Variants in CELF2 observed in about 807,000 individuals in gnomAD.
The protein encoded by CELF2 is CUG triplet repeat RNA-binding protein 2.
Under a neutral mutation model 62.6 loss-of-function variants are expected in CELF2, and 8 were observed. That is an observed-to-expected ratio of 0.13 (90% confidence interval 0.07 to 0.23). The LOEUF is 0.23. Ranked by LOEUF, CELF2 falls within the 10% of genes least tolerant of loss-of-function variation. CELF2 has a pLI of 1.00. For missense variants in CELF2, 333 were observed against 671.0 expected (o/e 0.50, Z 5.56); for synonymous variants, 258 against 250.0 (o/e 1.03, Z -0.30).
the CELF2 span, among the ~76,000 whole-genome samples, chr10:10,689,618 A>G: frequency 6.6e-6 from 1 of 152,244 alleles, no homozygotes; most frequent in Non-Finnish European, 1.5e-5. Context: ...TGGATAGTTT[A>G]TGACAACGAA....
intron 1 of CELF2, among the ~76,000 whole-genome samples, chr10:10,877,915 A>T (rs578246899): frequency 6.6e-6 from 1 of 152,286 alleles, no homozygotes; most frequent in South Asian, 2.1e-4. Flanking sequence ...TCTTTTATTC[A>T]TTCATCCAGA....
chr10:10,913,885 A>AGGAAGGAAGGAAGGAAG (rs141260316), intron 1 of CELF2, among the ~76,000 whole-genome samples: 2 of 27,942 alleles, frequency 7.2e-5, no homozygotes, highest in Non-Finnish European at 2.2e-4. Flanking sequence ...GAAGGAAGGA[A>AGGAAGGAAGGAAGGAAG]GAAGGAAGGG....
Position 10,893,129 on chromosome 10 carries a change from G to A in CELF2, c.54-26835G>A, listed in dbSNP as rs144218738. Among the ~76,000 whole-genome samples the A allele has an allele frequency of 5.0e-3, 769 of 152,290 alleles. 3 individuals are homozygous for A. The highest frequency in any genetic ancestry group is 7.8e-3 in the Non-Finnish European group (532 of 68,030). On this transcript the variant is annotated intron_variant, in intron 1 of 13. Transcript: ENST00000636488. ...GGAATTAACTGCCCTTTAAAATACAGCAGCAAATTAATCCAGCCCAAATCC... is the reference window on the plus strand; with the variant it reads ...GGAATTAACTGCCCTTTAAAATACAACAGCAAATTAATCCAGCCCAAATCC...
intron 8 of CELF2, among the ~76,000 whole-genome samples, chr10:11,276,199 C>A (rs1421332500): frequency 6.6e-6 from 1 of 151,684 alleles, no homozygotes; most frequent in Non-Finnish European, 1.5e-5. Flanking sequence ...CAGGGGGCTT[C>A]TCCCTGGGTG....
rs950424649 is a variant in CELF2, at chr10:11,242,572, G to A, written c.355-6581G>A. On this transcript the variant is annotated intron_variant, in intron 3 of 12. Transcript: ENST00000633077. The surrounding 1 kb of genome is among the most constrained non-coding windows in gnomAD (Gnocchi z 4.8). ...CACCAGGTGGTGACAGCTGTTGGCA[G>A]AGCTGTGTGCAGCGCTCTGTGCATG... 2.6e-5 allele frequency among the ~76,000 whole-genome samples: 4 copies of A among 152,254 alleles called. No individual in the cohort carries two copies. Among genetic ancestry groups the A allele is most frequent in the African/African-American group, 9.6e-5 (4 of 41,468 alleles).
At chr10:11,002,253 C>T (rs550913307), upstream of CELF2, among the ~76,000 whole-genome samples, 281 of 152,256 alleles carry the variant, frequency 1.8e-3, 1 homozygote, top group Non-Finnish European at 3.6e-3. The surrounding 1 kb of genome is among the most constrained non-coding windows in gnomAD (Gnocchi z 4.4). Flanking sequence ...TTCACTACCA[C>T]GAGAACAGAA....
At chr10:10,927,840 C>T (rs1398267316) in intron 2 of CELF2, among the ~76,000 whole-genome samples, 1 of 152,112 alleles carries the variant, frequency 6.6e-6, no homozygotes, top group Non-Finnish European at 1.5e-5. Context: ...TCCTCTTTTG[C>T]AATTCATTCT....
chr10:10,715,219 T>C, the CELF2 span, among the ~76,000 whole-genome samples: 3 of 152,182 alleles, frequency 2.0e-5, no homozygotes, highest in Non-Finnish European at 4.4e-5. Flanking sequence ...ATAGTTAATA[T>C]AGTTAGTCAA....
intron 1 of CELF2, among the ~76,000 whole-genome samples, chr10:11,106,397 C>T (rs896307815): frequency 1.1e-4 from 17 of 152,074 alleles, no homozygotes; most frequent in South Asian, 6.2e-4. Context: ...CCACCGTGCC[C>T]GGCTAATTGT....
At chr10:11,155,284 G>A (rs1250330589) in intron 1 of CELF2, among the ~76,000 whole-genome samples, 2 of 152,172 alleles carry the variant, frequency 1.3e-5, no homozygotes, top group Non-Finnish European at 1.5e-5. Flanking sequence ...TGCCGTCCTT[G>A]GGAATGGCTA....
the CELF2 span, among the ~76,000 whole-genome samples, chr10:10,594,224 C>T: frequency 4.4e-3 from 670 of 152,256 alleles, 4 homozygotes; most frequent in African/African-American, 0.015. Context: ...CAAGAGAAAT[C>T]GCCAGATTTT....
In CELF2 at chr10:11,128,202, G is replaced by T. The variant is rs557876262; in HGVS notation, c.75-37284G>T. ...GATCAGATGATTGTAGATGTGTGGT[G>T]TGATTTCTGAGGGCTCTGTTCTGTT... On this transcript the variant is annotated intron_variant, in intron 1 of 12. Transcript: ENST00000633077. Among the ~76,000 whole-genome samples, 15 of 152,232 alleles carry T rather than the reference G, an allele frequency of 9.9e-5. No homozygotes were observed. In the East Asian group the frequency reaches 2.9e-3, roughly 29 times the overall value.
At chr10:10,504,641 C>A in the CELF2 span, among the ~76,000 whole-genome samples, 1 of 152,082 alleles carries the variant, frequency 6.6e-6, no homozygotes, top group East Asian at 1.9e-4. Flanking sequence ...TCCTTCTTTC[C>A]ATCTGAAATT....
Position 11,246,995 on chromosome 10 carries a change from C to G in CELF2, c.355-2158C>G, listed in dbSNP as rs546863852. Among the ~76,000 whole-genome samples, 5 of 152,324 alleles carry G rather than the reference C, an allele frequency of 3.3e-5. No homozygotes were observed. The highest frequency in any genetic ancestry group is 1.2e-4 in the African/African-American group (5 of 41,580). ...GTCATCCCACAGTCACCTGGTTGTA[C>G]AGACCTGGAGTTCCCCTTCTCCACC... On this transcript the variant is annotated intron_variant, in intron 3 of 12. Coordinates refer to ENST00000633077, the MANE Select transcript of CELF2 (RefSeq NM_001326342.2). The surrounding 1 kb of genome is among the most constrained non-coding windows in gnomAD (Gnocchi z 4.6).
intron 1 of CELF2, among the ~76,000 whole-genome samples, chr10:11,036,672 A>G (rs189384574): frequency 3.1e-4 from 47 of 152,284 alleles, no homozygotes; most frequent in Non-Finnish European, 5.7e-4. Flanking sequence ...CCAATCTCCT[A>G]TGGGAAGATG....
exon 1 of CELF2, chr10:10,798,811 T>A (rs955062939): frequency 2.5e-6 from 1 of 398,592 alleles, no homozygotes; most frequent in African/African-American, 2.1e-5. Flanking sequence ...AACTGGAAAG[T>A]TTTAAGGTAG....
At chr10:10,480,369 T>G in the CELF2 span, among the ~76,000 whole-genome samples, 1 of 152,148 alleles carries the variant, frequency 6.6e-6, no homozygotes, top group Non-Finnish European at 1.5e-5. Flanking sequence ...TCAGCTCCCC[T>G]TATCTAACAG....
At chr10:11,087,717 C>T (rs771382338) in intron 1 of CELF2, among the ~76,000 whole-genome samples, 13 of 152,318 alleles carry the variant, frequency 8.5e-5, no homozygotes, top group Middle Eastern at 6.8e-3. Context: ...TTATAACACA[C>T]GCCTTTGAAC....
Position 11,135,453 on chromosome 10 carries a change from G to A in CELF2, c.75-30033G>A, listed in dbSNP as rs149301589. ...AAAAACCATTGAATGTCTGTGAAACGTGCATTTCCTCTAAACTCCACTCTA... is the reference window on the plus strand; with the variant it reads ...AAAAACCATTGAATGTCTGTGAAACATGCATTTCCTCTAAACTCCACTCTA... On this transcript the variant is annotated intron_variant, in intron 1 of 12. Coordinates refer to ENST00000633077, the MANE Select transcript of CELF2 (RefSeq NM_001326342.2). Among the ~76,000 whole-genome samples, 452 of 152,278 alleles carry A rather than the reference G, an allele frequency of 3.0e-3. 3 individuals carry two copies. Among genetic ancestry groups the A allele is most frequent in the African/African-American group, 8.3e-3 (344 of 41,570 alleles).
Sources: gnomAD v4.1 joint callset for allele counts (sites outside exome capture counted in the v4.1 genomes callset) on GRCh38, gnomAD v4.1.1 for gene constraint, Gnocchi (gnomAD v3.1) non-coding constraint, MANE v1.5 for transcripts, NCBI Gene and HGNC (gene_info 2026-07-23, HGNC 2026-07-21) for gene names.